BCAT1: variants seen among roughly 807,000 people sequenced by gnomAD.
The protein encoded by BCAT1 is branched-chain-amino-acid aminotransferase, cytosolic.
Under a neutral mutation model 52.4 loss-of-function variants are expected in BCAT1, and 48 were observed. The ratio of observed to expected loss-of-function variants is 0.92; its 90% CI spans 0.73 to 1.16. The LOEUF is 1.16. Among genes scored for constraint, BCAT1 ranks in the 50% most tolerant of loss-of-function variants. The pLI is 0.00. For synonymous variants in BCAT1, 167 were observed against 161.3 expected, an observed-to-expected ratio of 1.04 and a Z score of -0.27; for missense variants, 451 against 457.1, an observed-to-expected ratio of 0.99 and a Z score of 0.12.
intron 8 of BCAT1, chr12:24,834,165 A>G: frequency 1.0e-6 from 1 of 979,620 alleles, no homozygotes; most frequent in Non-Finnish European, 1.2e-6. Context: ...GACTGAGTTC[A>G]AATATCTGAA....
chr12:24,880,845 T>TG (rs1215136129), intron 4 of BCAT1, among the ~76,000 whole-genome samples: 378 of 2,200 alleles, frequency 0.17, 1 homozygote, highest in African/African-American at 0.18. Context: ...TTGTTTTTTG[T>TG]TTTTTTTTTT....
intron 5 of BCAT1, among the ~76,000 whole-genome samples, chr12:24,863,011 G>A (rs1463877416): frequency 1.3e-5 from 2 of 152,160 alleles, no homozygotes; most frequent in African/African-American, 4.8e-5. Flanking sequence ...TGCTGTAACA[G>A]GGCTAAGGGA....
Position 24,813,325 on chromosome 12 carries a change from A to C in BCAT1, c.*4683T>G, listed in dbSNP as rs921284925. On this transcript the variant is annotated 3_prime_UTR_variant, in exon 11 of 11. Transcript: ENST00000261192. ...GGTTTGTGGTAATGATAAAAAATTT[A>C]TCTCTTTCCACACATTTAAGACCTC... The C allele has an allele frequency of 6.6e-6, 1 of 152,062 alleles. No homozygotes were observed. Among genetic ancestry groups the C allele is most frequent in the Non-Finnish European group, 1.5e-5 (1 of 67,902 alleles). 9.4% of individuals were successfully genotyped at this position (152,062 alleles called of 1,614,324 possible).
At chr12:24,941,006 T>A (rs1005136143) in intron 1 of BCAT1, among the ~76,000 whole-genome samples, 1 of 152,234 alleles carries the variant, frequency 6.6e-6, no homozygotes, top group African/African-American at 2.4e-5. Context: ...AAGAAAAACA[T>A]GTTGAACAGT....
intron 6 of BCAT1, among the ~76,000 whole-genome samples, chr12:24,844,852 G>A (rs1394889595): frequency 2.4e-5 from 3 of 125,052 alleles, no homozygotes; most frequent in Non-Finnish European, 4.8e-5. Context: ...AGCCGAGATC[G>A]CGCCACTGCA....
chr12:24,837,768 C>T (rs770827303), intron 7 of BCAT1, among the ~76,000 whole-genome samples: 13 of 152,058 alleles, frequency 8.5e-5, no homozygotes, highest in Non-Finnish European at 1.6e-4. Flanking sequence ...GGTGGAGCAT[C>T]AGCAACAAGT....
intron 1 of BCAT1, among the ~76,000 whole-genome samples, chr12:24,948,590 G>A (rs568890027): frequency 6.6e-6 from 1 of 152,222 alleles, no homozygotes; most frequent in South Asian, 2.1e-4. Context: ...CCCACCTCCT[G>A]TGCATAGGAG....
At chr12:24,864,726 G>T (rs1941954500) in intron 5 of BCAT1, among the ~76,000 whole-genome samples, 1 of 152,174 alleles carries the variant, frequency 6.6e-6, no homozygotes, top group Admixed American at 6.6e-5. Context: ...CCACTGTGCA[G>T]CAGAATTCCT....
At chr12:24,846,161 G>A (rs750448767) in intron 6 of BCAT1, among the ~76,000 whole-genome samples, 5 of 152,158 alleles carry the variant, frequency 3.3e-5, no homozygotes, top group African/African-American at 9.7e-5. Context: ...ATGAAGCACT[G>A]AGCAAGGAAA....
At chr12:24,847,609 AAAAG>A (rs977591987) in intron 6 of BCAT1, among the ~76,000 whole-genome samples, 2 of 152,150 alleles carry the variant, frequency 1.3e-5, no homozygotes, top group African/African-American at 4.8e-5. Flanking sequence ...GAGAGAGAGA[AAAAG>A]AGAGAAAGAG....
At chr12:24,938,086 G>C (rs930369126) in intron 1 of BCAT1, among the ~76,000 whole-genome samples, 1 of 152,192 alleles carries the variant, frequency 6.6e-6, no homozygotes, top group South Asian at 2.1e-4. Context: ...GAGGAGGTAA[G>C]TGCTAAAATC....
At chr12:24,902,098 G>T in intron 1 of BCAT1, 3 of 1,472,124 alleles carry the variant, frequency 2.0e-6, no homozygotes, top group Non-Finnish European at 2.7e-6. Flanking sequence ...TGCCGGGGTC[G>T]CGGCGGTTTT....
chr12:24,852,277 AAAATGGACT>A (rs1333529169), intron 5 of BCAT1, among the ~76,000 whole-genome samples: 1 of 152,202 alleles, frequency 6.6e-6, no homozygotes, highest in Non-Finnish European at 1.5e-5. Context: ...TAGCAGTGTG[AAAATGGACT>A]AATACACCCT....
chr12:24,928,207 T>C (rs888934986), intron 1 of BCAT1, among the ~76,000 whole-genome samples: 1 of 152,252 alleles, frequency 6.6e-6, no homozygotes, highest in Non-Finnish European at 1.5e-5. Context: ...AGATTCACTC[T>C]CTTCTCATCG....
intron 1 of BCAT1, among the ~76,000 whole-genome samples, chr12:24,946,092 C>A (rs1943929548): frequency 6.6e-6 from 1 of 151,992 alleles, no homozygotes; most frequent in Non-Finnish European, 1.5e-5. Flanking sequence ...TTTAAAGAAG[C>A]TGGCAACCTG....
rs1463379340 is a variant in BCAT1, at chr12:24,813,938, A to T, written c.*4070T>A. ...TTGATTTCTTAAAACTAACTTCCTA[A>T]TCTCTATTGTTGGTTATGTCAACAT... On this transcript the variant is annotated 3_prime_UTR_variant, in exon 11 of 11. Coordinates refer to ENST00000261192, the MANE Select transcript of BCAT1 (RefSeq NM_005504.7). 2.6e-5 allele frequency: 4 copies of T among 152,066 alleles called. No homozygotes were observed. The East Asian group carries it at 7.7e-4, about 29-fold the overall frequency. 9.4% of individuals were successfully genotyped at this position (152,066 alleles called of 1,614,324 possible). A position where few individuals can be genotyped will look rare whatever the true frequency, so the allele number is the denominator to read the frequency against.
At chr12:24,823,034 CTTTTT>C (rs5797104) in intron 10 of BCAT1, among the ~76,000 whole-genome samples, 2 of 141,476 alleles carry the variant, frequency 1.4e-5, no homozygotes, top group Non-Finnish European at 3.1e-5. Flanking sequence ...TTTGTTTTGA[CTTTTT>C]TTTTTTTTTC....
chr12:24,864,102 T>C (rs1380310135), intron 5 of BCAT1, among the ~76,000 whole-genome samples: 3 of 152,216 alleles, frequency 2.0e-5, no homozygotes, highest in East Asian at 1.9e-4. Context: ...TGAGTAGCTA[T>C]ATAGCCTACA....
intron 2 of BCAT1, among the ~76,000 whole-genome samples, chr12:24,900,043 T>A (rs189059380): frequency 0.012 from 1,702 of 141,564 alleles, 34 homozygotes; most frequent in African/African-American, 0.043. Context: ...ATATATATAT[T>A]TTGTTTGTTT....
Sources: gnomAD v4.1 joint callset for allele counts (sites outside exome capture counted in the v4.1 genomes callset) on GRCh38, gnomAD v4.1.1 for gene constraint, MANE v1.5 for transcripts, NCBI Gene and HGNC (gene_info 2026-07-23, HGNC 2026-07-21) for gene names.